Variants in OPA1 observed in about 807,000 individuals in gnomAD.
OPA1 encodes the protein dynamin-like GTPase OPA1, mitochondrial.
Under a neutral mutation model 152.9 loss-of-function variants are expected in OPA1, and 59 were observed. The observed-to-expected ratio is 0.39, with a 90% CI of 0.31 to 0.48. The LOEUF (loss-of-function observed/expected upper bound fraction) is 0.48, where lower values mean the gene tolerates loss of function less well. OPA1 is among the 20% of genes least tolerant of loss of function. OPA1 has a pLI of 0.96. For missense variants in OPA1, 1,008 were observed against 1,216.8 expected (o/e 0.83, Z 2.55); for synonymous variants, 400 against 389.9 (o/e 1.03, Z -0.31).
At chr3:193,593,440 A>G in intron 1 of OPA1, 31 bp downstream of exon 1, 1 of 1,511,140 alleles carries the variant, frequency 6.6e-7, no homozygotes, top group Non-Finnish European at 8.9e-7. Context: ...GGCCCCGTTA[A>G]TTCTGGGGCC....
intron 11 of OPA1, among the ~76,000 whole-genome samples, chr3:193,641,443 G>A (rs1367353443): frequency 2.8e-5 from 2 of 71,614 alleles, no homozygotes; most frequent in African/African-American, 1.2e-4. Flanking sequence ...AGGAAATTGT[G>A]CGCAGGATGT....
intron 6 of OPA1, among the ~76,000 whole-genome samples, chr3:193,623,187 G>A (rs1730469382): frequency 6.6e-6 from 1 of 152,050 alleles, no homozygotes; most frequent in South Asian, 2.1e-4. Flanking sequence ...GGCAGCTCTG[G>A]CCTTTTTTTG....
chr3:193,634,068 T>C (rs1425752884), intron 8 of OPA1, among the ~76,000 whole-genome samples: 4 of 152,166 alleles, frequency 2.6e-5, no homozygotes, highest in African/African-American at 7.2e-5. Context: ...TCTTGAAAGA[T>C]TCCAATAAGC....
chr3:193,658,138 G>T (rs572855723), intron 23 of OPA1, among the ~76,000 whole-genome samples: 18 of 151,764 alleles, frequency 1.2e-4, no homozygotes, highest in African/African-American at 4.4e-4. Flanking sequence ...CCAGCTACTC[G>T]GGAGGCTGAG....
At chr3:193,615,090 G>A (rs971737453) in intron 2 of OPA1, 49 bp downstream of exon 2, 1 of 1,378,234 alleles carries the variant, frequency 7.3e-7, no homozygotes, top group Non-Finnish European at 1.0e-6. Flanking sequence ...TCATGATTAA[G>A]TTTCTATAGC....
intron 1 of OPA1, among the ~76,000 whole-genome samples, chr3:193,611,511 T>C (rs13075244): frequency 0.5 from 75,315 of 149,900 alleles, 19,277 homozygotes; most frequent in African/African-American, 0.59. Context: ...GCAAGAGAAT[T>C]GCTTGAACCT....
rs762831954 is a variant in OPA1, at chr3:193,664,914, A to G, written c.2696A>G (p.His899Arg). The G allele has an allele frequency of 1.9e-5, 31 of 1,605,232 alleles. No individual in the cohort carries two copies. In the South Asian group the frequency reaches 3.2e-4, roughly 17 times the overall value. Residue 899 changes from histidine (H) to arginine (R), a missense_variant, in exon 27 of 31, where the codon CAT becomes CGT. Physicochemically the swap from His to Arg is conservative, Grantham distance 29. Coordinates refer to ENST00000361510, the MANE Select transcript of OPA1 (RefSeq NM_130837.3). ...KDTWHQVYRR[H>R]FLKTALNHCN... is the part of the protein sequence containing the mutation. ...ACTTGGCATCAAGTTTATAGAAGAC[A>G]TTTTTTAAAAACAGCTCTAAACCAT...
At chr3:193,611,830 T>G (rs921505834) in intron 1 of OPA1, among the ~76,000 whole-genome samples, 6 of 139,570 alleles carry the variant, frequency 4.3e-5, no homozygotes, top group Non-Finnish European at 9.4e-5. Flanking sequence ...CTGAAACTGG[T>G]TCATCTTTTC....
At chr3:193,647,966 C>T in intron 19 of OPA1, 104 bp from the exon 20 acceptor site, 4 of 817,386 alleles carry the variant, frequency 4.9e-6, no homozygotes, top group Non-Finnish European at 6.4e-6. Flanking sequence ...TAGGCGCACT[C>T]TCAGAAATTC....
At position 193,697,372 on chromosome 3, in the gene OPA1, A is replaced by G. The variant is rs754459061; in HGVS notation, c.*2772A>G. ...GCTATATGTTGTTGAGATATTTGAAACTTACCTTGTTTTCACTTGTGCACT... is the reference window on the plus strand; with the variant it reads ...GCTATATGTTGTTGAGATATTTGAAGCTTACCTTGTTTTCACTTGTGCACT... On this transcript the variant is annotated 3_prime_UTR_variant, in exon 31 of 31. Coordinates refer to ENST00000361510, the MANE Select transcript of OPA1 (RefSeq NM_130837.3). 1 of 152,152 alleles carries G rather than the reference A, an allele frequency of 6.6e-6. No individual in the cohort carries two copies. The highest frequency in any genetic ancestry group is 1.5e-5 in the Non-Finnish European group (1 of 68,024). 9.4% of individuals were successfully genotyped at this position (152,152 alleles called of 1,614,324 possible). A position where few individuals can be genotyped will look rare whatever the true frequency, so the allele number is the denominator to read the frequency against.
Position 193,614,957 on chromosome 3 carries a change from G to T in OPA1, c.267G>T (p.Trp89Cys), listed in dbSNP as rs1728788655. 3 of 1,614,076 alleles carry T rather than the reference G, an allele frequency of 1.9e-6. No homozygotes were observed. Among genetic ancestry groups the T allele is most frequent in the Non-Finnish European group, 2.5e-6 (3 of 1,179,996 alleles). Residue 89 changes from tryptophan (W) to cysteine (C), a missense_variant, in exon 2 of 31, where the codon TGG becomes TGT. Physicochemically the swap from Trp to Cys is radical, Grantham distance 215. Around this residue, in one of 7 missense-constraint regions of OPA1, gnomAD observed 408 missense variants for 395.1 expected, o/e 1.03. Transcript: ENST00000361510. Reference sequence around the variant, plus strand: ...GCTACCAGCCTCGCAGGAATTTTTGGCCAGCAAGATTAGCTACGAGACTCT... The same window carrying T: ...GCTACCAGCCTCGCAGGAATTTTTGTCCAGCAAGATTAGCTACGAGACTCT... ...KYGYQPRRNF[W>C]PARLATRLLK...
chr3:193,613,473 G>T (rs1012469687), intron 1 of OPA1, among the ~76,000 whole-genome samples: 4 of 152,084 alleles, frequency 2.6e-5, no homozygotes, highest in Non-Finnish European at 5.9e-5. Flanking sequence ...GTATGTATAG[G>T]AACACAAGAG....
At chr3:193,667,466 C>T in intron 29 of OPA1, 186 bp downstream of exon 29, 1 of 630,188 alleles carries the variant, frequency 1.6e-6, no homozygotes, top group Non-Finnish European at 3.0e-6. Flanking sequence ...GTCAGAAGAT[C>T]AAGACCATCC....
At chr3:193,640,231 A>G (rs1733563689) in intron 11 of OPA1, among the ~76,000 whole-genome samples, 1 of 152,198 alleles carries the variant, frequency 6.6e-6, no homozygotes, top group Non-Finnish European at 1.5e-5. Flanking sequence ...TAGAGAAAAC[A>G]CAGAAGCAAG....
At chr3:193,644,714 A>T (rs190435383) in intron 16 of OPA1, among the ~76,000 whole-genome samples, 16 of 152,238 alleles carry the variant, frequency 1.1e-4, no homozygotes, top group Non-Finnish European at 2.9e-5. Flanking sequence ...GGAGAAGGGG[A>T]GAAGTGAGGT....
intron 5 of OPA1, 69 bp downstream of exon 5, chr3:193,617,906 TA>T (rs1387977928): frequency 8.7e-7 from 1 of 1,147,910 alleles, no homozygotes; most frequent in African/African-American, 1.5e-5. Context: ...TAGTTGCAAA[TA>T]AAATTGCAGA....
At chr3:193,619,195 G>GTT (rs1729588938) in intron 6 of OPA1, among the ~76,000 whole-genome samples, 1 of 152,196 alleles carries the variant, frequency 6.6e-6, no homozygotes. Context: ...GAGTTGTGTT[G>GTT]TTAAGTGTGT....
intron 9 of OPA1, 22 bp downstream of exon 9, chr3:193,635,544 T>C: frequency 6.9e-7 from 1 of 1,449,526 alleles, no homozygotes; most frequent in Non-Finnish European, 9.7e-7. Flanking sequence ...TTGTCTTGTT[T>C]ATTCTCAAAA....
At chr3:193,621,635 G>A (rs1267094644) in intron 6 of OPA1, among the ~76,000 whole-genome samples, 2 of 152,072 alleles carry the variant, frequency 1.3e-5, no homozygotes, top group African/African-American at 4.8e-5. Flanking sequence ...GAAAAAAATA[G>A]TAAAACCAAC....
Sources: allele counts gnomAD v4.1 joint callset (sites outside exome capture counted in the v4.1 genomes callset), GRCh38; gene constraint gnomAD v4.1.1; regional missense constraint gnomAD v4.1.1; transcripts MANE v1.5; gene names NCBI Gene and HGNC (gene_info 2026-07-23, HGNC 2026-07-21).